The following DOCK4 variants were observed in gnomAD, a reference collection of about 807,000 sequenced individuals.
The protein encoded by DOCK4 is dedicator of cytokinesis protein 4.
In DOCK4, 97 loss-of-function variants were observed where a neutral mutation model predicts 268.1. The ratio of observed to expected loss-of-function variants is 0.36; its 90% confidence interval spans 0.31 to 0.43. The LOEUF is 0.43. DOCK4 is among the 20% of genes least tolerant of loss of function. The probability of loss-of-function intolerance (pLI) is 1.00; values close to 1 mark genes in which losing one functional copy is unlikely to be tolerated. For missense variants in DOCK4, 2,145 were observed against 2,455.7 expected (o/e 0.87, Z 2.67); for synonymous variants, 954 against 887.2 (o/e 1.08, Z -1.34).
At chr7:111,779,889 T>C (rs766698388) in intron 35 of DOCK4, among the ~76,000 whole-genome samples, 1 of 152,256 alleles carries the variant, frequency 6.6e-6, no homozygotes, top group Non-Finnish European at 1.5e-5. Flanking sequence ...TTGTGCATTA[T>C]GAAATCTCTG....
intron 42 of DOCK4, among the ~76,000 whole-genome samples, chr7:111,749,241 C>A (rs746108398): frequency 6.6e-6 from 1 of 152,054 alleles, no homozygotes; most frequent in African/African-American, 2.4e-5. Context: ...GTTTTATGTA[C>A]ACAAAACCTA....
chr7:112,053,606 C>G (rs1168579626), intron 1 of DOCK4, among the ~76,000 whole-genome samples: 1 of 152,180 alleles, frequency 6.6e-6, no homozygotes, highest in Non-Finnish European at 1.5e-5. Flanking sequence ...TCTTTCCAAA[C>G]ACTTGACAAT....
At chr7:111,981,734 C>T (rs941446393) in intron 7 of DOCK4, among the ~76,000 whole-genome samples, 2 of 152,080 alleles carry the variant, frequency 1.3e-5, no homozygotes, top group African/African-American at 4.8e-5. Context: ...AGACTTTGGA[C>T]TAGGATCTGA....
chr7:111,944,481 T>C (rs770988434), intron 10 of DOCK4, among the ~76,000 whole-genome samples: 44 of 152,306 alleles, frequency 2.9e-4, no homozygotes, highest in Non-Finnish European at 5.4e-4. Flanking sequence ...AAAATTCATT[T>C]ATGCTAACAG....
chr7:111,839,719 C>T (rs981665913), intron 25 of DOCK4, among the ~76,000 whole-genome samples: 43 of 152,288 alleles, frequency 2.8e-4, no homozygotes, highest in African/African-American at 9.4e-4. Context: ...GGAACTCCAA[C>T]CACATTCAAC....
intron 23 of DOCK4, among the ~76,000 whole-genome samples, chr7:111,858,521 C>T (rs1002782939): frequency 1.3e-5 from 2 of 152,268 alleles, no homozygotes; most frequent in South Asian, 2.1e-4. Context: ...TAGAAGAAAA[C>T]GCTGAGTAAT....
chr7:112,203,290 C>T (rs966346226), intron 1 of DOCK4, among the ~76,000 whole-genome samples: 7 of 152,186 alleles, frequency 4.6e-5, no homozygotes, highest in African/African-American at 1.7e-4. Context: ...ACTATAACTT[C>T]ATCACTATAC....
chr7:112,018,606 C>T (rs983485871), intron 1 of DOCK4, among the ~76,000 whole-genome samples: 1 of 152,018 alleles, frequency 6.6e-6, no homozygotes, highest in African/African-American at 2.4e-5. Flanking sequence ...ATGTTGTCTA[C>T]AATAATTGAA....
chr7:112,172,598 T>C (rs879337465), intron 1 of DOCK4, among the ~76,000 whole-genome samples: 3 of 152,212 alleles, frequency 2.0e-5, no homozygotes, highest in Admixed American at 2.0e-4. Context: ...ACAACACTAA[T>C]TAATCAAAAT....
intron 40 of DOCK4, among the ~76,000 whole-genome samples, 197 bp from the exon 41 acceptor site, chr7:111,758,987 C>A (rs1797213954): frequency 6.6e-6 from 1 of 152,102 alleles, no homozygotes; most frequent in South Asian, 2.1e-4. Context: ...AGGTCTTGAA[C>A]TAGTTCTAGG....
At chr7:112,146,953 A>G (rs978846499) in intron 1 of DOCK4, among the ~76,000 whole-genome samples, 19 of 152,256 alleles carry the variant, frequency 1.2e-4, no homozygotes, top group African/African-American at 4.6e-4. Flanking sequence ...TTAAGAGAAG[A>G]CACTTTCTTA....
intron 9 of DOCK4, 46 bp downstream of exon 9, chr7:111,945,671 C>T (rs779513295): frequency 6.1e-6 from 9 of 1,473,226 alleles, no homozygotes; most frequent in South Asian, 1.2e-5. Flanking sequence ...TAGTATGAAT[C>T]ATAACTGGAT....
At chr7:112,055,555 T>C (rs1805735840) in intron 1 of DOCK4, among the ~76,000 whole-genome samples, 1 of 151,988 alleles carries the variant, frequency 6.6e-6, no homozygotes, top group African/African-American at 2.4e-5. Flanking sequence ...CAGACAACAA[T>C]GAATGAAACG....
At chr7:111,846,346 A>G (rs767942425) in intron 24 of DOCK4, among the ~76,000 whole-genome samples, 6 of 152,196 alleles carry the variant, frequency 3.9e-5, no homozygotes, top group Non-Finnish European at 8.8e-5. Context: ...TGTGGATTTC[A>G]CACCAGACCC....
At chr7:111,807,844 T>C (rs553152120) in intron 30 of DOCK4, 1 of 152,140 alleles carries the variant, frequency 6.6e-6, no homozygotes, top group East Asian at 1.9e-4. Flanking sequence ...GGCTTAATTA[T>C]ATATACCAAG....
chr7:112,009,667 C>A (rs745491443), intron 1 of DOCK4, among the ~76,000 whole-genome samples: 2 of 151,996 alleles, frequency 1.3e-5, no homozygotes, highest in Non-Finnish European at 2.9e-5. Context: ...TGGAAGTATC[C>A]ATTAAGGTTT....
At chr7:112,052,644 G>A (rs1805466864) in intron 1 of DOCK4, among the ~76,000 whole-genome samples, 1 of 151,888 alleles carries the variant, frequency 6.6e-6, no homozygotes, top group Admixed American at 6.6e-5. Context: ...ACCCATCCCT[G>A]AACTATTATA....
In DOCK4 at chr7:112,004,116, C is replaced by T. The variant is rs746015254; in HGVS notation, c.53G>A (p.Arg18Gln). 1.1e-5 allele frequency: 18 copies of T among 1,591,808 alleles called. No individual in the cohort carries two copies. Among genetic ancestry groups the T allele is most frequent in the Non-Finnish European group, 1.4e-5 (16 of 1,168,522 alleles). ...EKYGVVIASFRGTVPYGLSLE... is the reference protein window; with the variant it reads ...EKYGVVIASFQGTVPYGLSLE... ...TGACAGGCCATATGGAACGGTTCCTCGGAAACTGGCAATAACTGTAAAAAA... is the reference window on the plus strand; with the variant it reads ...TGACAGGCCATATGGAACGGTTCCTTGGAAACTGGCAATAACTGTAAAAAA... Residue 18 changes from arginine (R) to glutamine (Q), a missense_variant, in exon 2 of 53, where the codon CGA becomes CAA. Transcript: ENST00000428084.
intron 1 of DOCK4, among the ~76,000 whole-genome samples, chr7:112,021,296 G>A (rs1802297262): frequency 6.6e-6 from 1 of 152,202 alleles, no homozygotes; most frequent in African/African-American, 2.4e-5. Context: ...TATAGATGAG[G>A]TAAATACCAG....
Sources: gnomAD v4.1 joint callset for allele counts (sites outside exome capture counted in the v4.1 genomes callset) on GRCh38, gnomAD v4.1.1 for gene constraint, MANE v1.5 for transcripts, NCBI Gene and HGNC (gene_info 2026-07-23, HGNC 2026-07-21) for gene names.